Variants in ATP2C1 observed in about 807,000 individuals in gnomAD.
ATP2C1 encodes the protein calcium-transporting ATPase type 2C member 1.
Under a neutral mutation model 120.5 loss-of-function variants are expected in ATP2C1, and 31 were observed. The ratio of observed to expected loss-of-function variants is 0.26; its 90% CI spans 0.19 to 0.35. The LOEUF is 0.35. Ranked by LOEUF, ATP2C1 falls within the 10% of genes least tolerant of loss-of-function variation. The probability of loss-of-function intolerance (pLI) is 1.00; values close to 1 mark genes in which losing one functional copy is unlikely to be tolerated. For missense variants in ATP2C1, 731 were observed against 1,107.5 expected (o/e 0.66, Z 4.83); for synonymous variants, 351 against 358.7 (o/e 0.98, Z 0.24).
chr3:130,927,852 A>G (rs948269490), intron 2 of ATP2C1: 1 of 153,400 alleles, frequency 6.5e-6, no homozygotes, highest in African/African-American at 2.4e-5. Flanking sequence ...GAGCTTAAGC[A>G]GCATCTCACC....
intron 1 of ATP2C1, among the ~76,000 whole-genome samples, chr3:130,864,717 C>T (rs777106141): frequency 6.6e-5 from 10 of 152,198 alleles, no homozygotes; most frequent in African/African-American, 1.2e-4. Context: ...GGTGGAAGCC[C>T]GAAGCCTTGG....
At chr3:130,855,595 G>C (rs1460016083) in intron 1 of ATP2C1, among the ~76,000 whole-genome samples, 2 of 152,154 alleles carry the variant, frequency 1.3e-5, no homozygotes, top group Non-Finnish European at 2.9e-5. Context: ...ATCTGTGTCA[G>C]TGCTGGGATT....
At chr3:131,016,002 C>A (rs2063609344) in intron 26 of ATP2C1, 1 of 1,056,494 alleles carries the variant, frequency 9.5e-7, no homozygotes, top group African/African-American at 1.6e-5. Context: ...GTAACAGTGA[C>A]TCAAAATCAA....
At chr3:130,873,434 CAAATAT>C in intron 1 of ATP2C1, among the ~76,000 whole-genome samples, 1 of 152,122 alleles carries the variant, frequency 6.6e-6, no homozygotes, top group Non-Finnish European at 1.5e-5. Context: ...TAATTATATA[CAAATAT>C]GTACTTTTGG....
At chr3:130,877,298 C>A (rs1022904409) in intron 1 of ATP2C1, among the ~76,000 whole-genome samples, 1 of 152,112 alleles carries the variant, frequency 6.6e-6, no homozygotes, top group African/African-American at 2.4e-5. Flanking sequence ...CTTTATCTTT[C>A]AATTGGGGGG....
chr3:130,967,425 T>C lies in ATP2C1; in HGVS notation c.1308+6T>C. 6.2e-7 allele frequency: 1 copy of C among 1,611,642 alleles called. No individual in the cohort carries two copies. Among genetic ancestry groups the C allele is most frequent in the East Asian group, 2.2e-5 (1 of 44,792 alleles). On this transcript the variant is annotated splice_donor_region_variant and intron_variant, in intron 16 of 27. Coordinates refer to ENST00000510168, the MANE Select transcript of ATP2C1 (RefSeq NM_001378687.1). ...TAATTGCTCTTGCAATGAAGGTACGTACCTAAATTTCTCTTCTTTGACATT... is the reference window on the plus strand; with the variant it reads ...TAATTGCTCTTGCAATGAAGGTACGCACCTAAATTTCTCTTCTTTGACATT...
intron 18 of ATP2C1, among the ~76,000 whole-genome samples, chr3:130,976,777 A>G (rs1339407660): frequency 6.6e-6 from 1 of 152,072 alleles, no homozygotes; most frequent in Non-Finnish European, 1.5e-5. Context: ...GGCAGGAGGA[A>G]TCTCTTTTCT....
At chr3:130,921,025 T>C (rs2058935010) in intron 2 of ATP2C1, among the ~76,000 whole-genome samples, 2 of 151,906 alleles carry the variant, frequency 1.3e-5, no homozygotes, top group South Asian at 4.1e-4. Context: ...GCTACTTTAC[T>C]CAATTTGTTT....
At chr3:130,974,573 T>C (rs2061464510) in intron 17 of ATP2C1, among the ~76,000 whole-genome samples, 1 of 152,096 alleles carries the variant, frequency 6.6e-6, no homozygotes, top group Admixed American at 6.6e-5. Flanking sequence ...GCTATAGTCA[T>C]TACCACACTT....
intron 8 of ATP2C1, among the ~76,000 whole-genome samples, chr3:130,951,400 A>G (rs1174994472): frequency 6.6e-6 from 1 of 152,154 alleles, no homozygotes; most frequent in African/African-American, 2.4e-5. Context: ...CTTGCCTCAT[A>G]GGAGTTGTTA....
At chr3:130,888,000 G>A (rs990552432) in intron 1 of ATP2C1, among the ~76,000 whole-genome samples, 1 of 152,186 alleles carries the variant, frequency 6.6e-6, no homozygotes, top group African/African-American at 2.4e-5. Context: ...CACTACCTGG[G>A]TATTGCGGCT....
chr3:130,926,624 G>A (rs2059218076), intron 2 of ATP2C1, among the ~76,000 whole-genome samples: 1 of 152,168 alleles, frequency 6.6e-6, no homozygotes, highest in Admixed American at 6.5e-5. Flanking sequence ...TGCCATACTA[G>A]GCTCAAACTA....
chr3:130,949,998 C>T (rs2108518545), intron 8 of ATP2C1, among the ~76,000 whole-genome samples: 1 of 152,210 alleles, frequency 6.6e-6, no homozygotes, highest in South Asian at 2.1e-4. Context: ...TACCGTATGT[C>T]AAACCGTTCT....
At chr3:130,890,722 A>G (rs2069140143), upstream of ATP2C1, among the ~76,000 whole-genome samples, 1 of 152,208 alleles carries the variant, frequency 6.6e-6, no homozygotes, top group Non-Finnish European at 1.5e-5. Context: ...ACATGGAACT[A>G]GGCAGATTTA....
rs186973082 is a variant in ATP2C1, at chr3:130,948,328, G to A, written c.532-5493G>A. 8.6e-5 allele frequency among the ~76,000 whole-genome samples: 13 copies of A among 151,548 alleles called. No individual in the cohort carries two copies. The East Asian group carries it at 2.3e-3, about 27-fold the overall frequency. On this transcript the variant is annotated intron_variant, in intron 8 of 27. Coordinates refer to ENST00000510168, the MANE Select transcript of ATP2C1 (RefSeq NM_001378687.1). ...TTTTAAAAGATAATGTTGCCAGATA[G>A]AAAATTATTGGTTGACAGTTTTTTT... is the stretch of plus-strand genomic sequence containing the variant.
At chr3:130,916,241 A>C (rs1559918165) in intron 2 of ATP2C1, among the ~76,000 whole-genome samples, 2 of 146,382 alleles carry the variant, frequency 1.4e-5, no homozygotes, top group Non-Finnish European at 1.5e-5. Context: ...CCCTGTCTCT[A>C]CTCAAAAAAA....
At chr3:130,901,115 A>G (rs1235942960) in intron 2 of ATP2C1, among the ~76,000 whole-genome samples, 1 of 152,180 alleles carries the variant, frequency 6.6e-6, no homozygotes, top group Non-Finnish European at 1.5e-5. Flanking sequence ...TGCCAGAAAT[A>G]GCATGCAAAC....
At chr3:130,887,900 G>T (rs1328188278) in intron 1 of ATP2C1, among the ~76,000 whole-genome samples, 1 of 152,170 alleles carries the variant, frequency 6.6e-6, no homozygotes, top group Admixed American at 6.5e-5. Context: ...AGCAAGAGGA[G>T]TCTCTCACCA....
chr3:130,938,181 T>G (rs2059750314), intron 6 of ATP2C1, among the ~76,000 whole-genome samples: 1 of 152,242 alleles, frequency 6.6e-6, no homozygotes, highest in Non-Finnish European at 1.5e-5. Flanking sequence ...AATGTGGAGA[T>G]ACTGTCAAGA....
Sources: gnomAD v4.1 joint callset for allele counts (sites outside exome capture counted in the v4.1 genomes callset) on GRCh38, gnomAD v4.1.1 for gene constraint, MANE v1.5 for transcripts, NCBI Gene and HGNC (gene_info 2026-07-23, HGNC 2026-07-21) for gene names.